The following DCC variants were observed in gnomAD, a reference collection of about 807,000 sequenced individuals.
The protein encoded by DCC is netrin receptor DCC.
In DCC, 58 loss-of-function variants were observed where a neutral mutation model predicts 172.5. That is an observed-to-expected ratio of 0.34 (90% CI 0.27 to 0.42). DCC has a LOEUF of 0.42. DCC is among the 10% of genes least tolerant of loss of function. The pLI is 1.00. For missense variants in DCC, 1,740 were observed against 1,791.0 expected, an observed-to-expected ratio of 0.97 and a Z score of 0.51; for synonymous variants, 709 against 644.5, an observed-to-expected ratio of 1.10 and a Z score of -1.52.
intron 1 of DCC, among the ~76,000 whole-genome samples, chr18:52,449,275 G>A (rs776465939): frequency 1.1e-4 from 17 of 152,228 alleles, no homozygotes; most frequent in Admixed American, 2.0e-4. Context: ...TGAGATTTGG[G>A]TGGAGACATA....
chr18:52,991,140 G>A (rs1045614734), intron 5 of DCC, among the ~76,000 whole-genome samples: 3 of 152,038 alleles, frequency 2.0e-5, no homozygotes, highest in East Asian at 3.9e-4. Flanking sequence ...ACACCTTATC[G>A]ATGTATCAGA....
intron 1 of DCC, among the ~76,000 whole-genome samples, chr18:52,729,892 A>G (rs998437482): frequency 1.3e-5 from 2 of 152,208 alleles, no homozygotes; most frequent in Non-Finnish European, 2.9e-5. Flanking sequence ...AGAGGAAGAC[A>G]GAGACATGAA....
chr18:52,758,157 A>G (rs369147559), intron 2 of DCC, among the ~76,000 whole-genome samples: 2 of 152,352 alleles, frequency 1.3e-5, no homozygotes, highest in African/African-American at 4.8e-5. Context: ...TTTTGCTATC[A>G]TAGCTATACA....
intron 12 of DCC, among the ~76,000 whole-genome samples, chr18:53,244,190 A>G (rs972955272): frequency 3.4e-4 from 51 of 152,182 alleles, no homozygotes; most frequent in African/African-American, 1.2e-3. Flanking sequence ...TTGATACTTT[A>G]TTATCTTAAT....
intron 5 of DCC, among the ~76,000 whole-genome samples, chr18:52,954,621 A>T (rs535011774): frequency 6.6e-6 from 1 of 152,334 alleles, no homozygotes; most frequent in East Asian, 1.9e-4. Context: ...TACAAGGCAG[A>T]TTAATAGCCC....
intron 1 of DCC, among the ~76,000 whole-genome samples, chr18:52,732,403 G>T (rs1162794445): frequency 6.6e-6 from 1 of 152,126 alleles, no homozygotes; most frequent in Non-Finnish European, 1.5e-5. Context: ...TGGAGGTATT[G>T]TAGAGCAATC....
intron 27 of DCC, among the ~76,000 whole-genome samples, chr18:53,526,069 C>CA (rs937549142): frequency 1.2e-4 from 18 of 151,544 alleles, no homozygotes; most frequent in South Asian, 6.2e-4. Context: ...AAAAGCCATA[C>CA]AAAAAAAACC....
At chr18:52,797,588 G>GA (rs147793810) in intron 2 of DCC, among the ~76,000 whole-genome samples, 1 of 152,340 alleles carries the variant, frequency 6.6e-6, no homozygotes, top group African/African-American at 2.4e-5. Flanking sequence ...GTAAGACTTT[G>GA]ATGGGGGTGG....
intron 13 of DCC, among the ~76,000 whole-genome samples, chr18:53,311,704 TA>T (rs1211181935): frequency 6.6e-6 from 1 of 152,222 alleles, no homozygotes; most frequent in Non-Finnish European, 1.5e-5. Flanking sequence ...TTCACTATGC[TA>T]AAAGCTATAT....
chr18:53,183,054 A>T (rs1206283759), intron 9 of DCC, among the ~76,000 whole-genome samples: 1 of 152,164 alleles, frequency 6.6e-6, no homozygotes, highest in African/African-American at 2.4e-5. Flanking sequence ...TCCAAATGTG[A>T]TGTAGTAATT....
intron 2 of DCC, among the ~76,000 whole-genome samples, chr18:52,830,499 A>G (rs1022705858): frequency 6.6e-6 from 1 of 152,140 alleles, no homozygotes; most frequent in Non-Finnish European, 1.5e-5. Context: ...AGAATAGTCT[A>G]TGTGCAAGGG....
rs62099184 is a variant in DCC at position 53,101,827 on chromosome 18, A to G, written c.1261+35661A>G. 2.4e-3 allele frequency among the ~76,000 whole-genome samples: 321 copies of G among 136,300 alleles called. 1 individual carries two copies. The highest frequency in any genetic ancestry group is 8.9e-3 in the African/African-American group (306 of 34,206). 89.4% of individuals were successfully genotyped at this position (136,300 alleles called of 152,430 possible). A position where few individuals can be genotyped will look rare whatever the true frequency, so the allele number is the denominator to read the frequency against. On this transcript the variant is annotated intron_variant, in intron 7 of 28. Coordinates refer to ENST00000442544, the MANE Select transcript of DCC (RefSeq NM_005215.4). The stretch of plus-strand genomic sequence containing the variant: ...GCTGTGTGTGTGTGTGTGTGTGTGT[A>G]TTTGTGTGTGTGTGCGTGTGCGTGT...
At chr18:52,381,743 G>C (rs1234723207) in intron 1 of DCC, among the ~76,000 whole-genome samples, 1 of 152,068 alleles carries the variant, frequency 6.6e-6, no homozygotes, top group African/African-American at 2.4e-5. Context: ...TGGGGCGGCT[G>C]TTTCTTGTTC....
chr18:53,086,175 CTTCTTCTTCTT>C lies in DCC; in HGVS notation c.1261+20021_1261+20031del, dbSNP rs1302423837. On this transcript the variant is annotated intron_variant, in intron 7 of 28. Transcript: ENST00000442544. ...CCTCTTCCTCTTCTCTTCCTCTTCT[CTTCTTCTTCTT>C]TTCTTCTTCTTCTTTTCTTCTTTCC... 1.3e-4 allele frequency among the ~76,000 whole-genome samples: 6 copies of C among 45,312 alleles called. 2 individuals are homozygous for C. Among genetic ancestry groups the C allele is most frequent in the Non-Finnish European group, 2.0e-4 (5 of 25,152 alleles). 29.7% of individuals were successfully genotyped at this position (45,312 alleles called of 152,430 possible).
At chr18:53,344,792 A>G (rs2057704599) in intron 15 of DCC, among the ~76,000 whole-genome samples, 1 of 151,630 alleles carries the variant, frequency 6.6e-6, no homozygotes, top group African/African-American at 2.4e-5. Flanking sequence ...TGCATATTGC[A>G]GTAAGATTAT....
rs1391458878 is a variant in DCC, at chr18:52,972,186, A to G, written c.985+46816A>G. Among the ~76,000 whole-genome samples, 3 of 152,328 alleles carry G rather than the reference A, an allele frequency of 2.0e-5. No individual in the cohort carries two copies. In the East Asian group the frequency reaches 5.8e-4, roughly 29 times the overall value. ...AAACCGTAGGGCAGAGGATATATTT[A>G]TATTTCCTTCAAATTCTAAACATAG... On this transcript the variant is annotated intron_variant, in intron 5 of 28. Coordinates refer to ENST00000442544, the MANE Select transcript of DCC (RefSeq NM_005215.4).
intron 12 of DCC, among the ~76,000 whole-genome samples, chr18:53,278,331 A>G (rs1170196297): frequency 6.6e-6 from 1 of 152,150 alleles, no homozygotes; most frequent in Non-Finnish European, 1.5e-5. Context: ...GGAAAAATAT[A>G]TTCACTTTGT....
intron 5 of DCC, among the ~76,000 whole-genome samples, chr18:52,969,583 C>T (rs1018968936): frequency 1.3e-4 from 4 of 30,622 alleles, no homozygotes; most frequent in African/African-American, 4.6e-4. Flanking sequence ...CCCCGCCCCC[C>T]ACTCTCTCTC....
intron 28 of DCC, 107 bp from the exon 29 acceptor site, chr18:53,530,457 G>T: frequency 1.3e-6 from 1 of 769,794 alleles, no homozygotes; most frequent in East Asian, 2.5e-5. Context: ...TGGTCTCCTA[G>T]GTCAGACTTG....
Sources: gnomAD v4.1 joint callset for allele counts (sites outside exome capture counted in the v4.1 genomes callset) on GRCh38, gnomAD v4.1.1 for gene constraint, MANE v1.5 for transcripts, NCBI Gene and HGNC (gene_info 2026-07-23, HGNC 2026-07-21) for gene names.